Variants in PAQR3 observed in about 807,000 individuals in gnomAD.
PAQR3 encodes the protein progestin and adipoQ receptor family member 3.
Under a neutral mutation model 41.7 loss-of-function variants are expected in PAQR3, and 39 were observed. The ratio of observed to expected loss-of-function variants is 0.93; its 90% CI spans 0.72 to 1.22. The LOEUF is 1.22. Ranked by LOEUF, PAQR3 falls within the 50% of genes most tolerant of loss-of-function variation. The pLI is 0.00. For missense variants in PAQR3, 366 were observed against 385.6 expected, an observed-to-expected ratio of 0.95 and a Z score of 0.42; for synonymous variants, 140 against 140.6, an observed-to-expected ratio of 1.00 and a Z score of 0.03.
In PAQR3 at chr4:78,920,484, A is replaced by G. The variant is rs1259200192; in HGVS notation, c.*55T>C. 1.0e-5 allele frequency: 16 copies of G among 1,539,122 alleles called. No individual in the cohort carries two copies. The highest frequency in any genetic ancestry group is 1.4e-5 in the Non-Finnish European group (16 of 1,141,108). ...GAATCTTAGAAATAGTGGGGTATAC[A>G]ATTCCCCATTATATATTGCTTAACA... On this transcript the variant is annotated 3_prime_UTR_variant, in exon 6 of 6. Coordinates refer to ENST00000512733, the MANE Select transcript of PAQR3 (RefSeq NM_001040202.2).
chr4:78,905,827 T>C (rs1388846701), intron 11 of PAQR3, among the ~76,000 whole-genome samples: 1 of 151,940 alleles, frequency 6.6e-6, no homozygotes, highest in Non-Finnish European at 1.5e-5. Flanking sequence ...TTTTTTTAAA[T>C]TATAGGAATA....
chr4:78,926,439 C>T (rs1560575897), intron 4 of PAQR3, 82 bp downstream of exon 4: 6 of 1,216,752 alleles, frequency 4.9e-6, no homozygotes, highest in Non-Finnish European at 7.0e-6. Context: ...ACCCACTTGG[C>T]CTGATTATAC....
intron 11 of PAQR3, among the ~76,000 whole-genome samples, chr4:78,894,971 T>G (rs186783584): frequency 3.8e-4 from 58 of 152,280 alleles, no homozygotes; most frequent in African/African-American, 1.3e-3. Context: ...GGTAGATCAG[T>G]CAGAACACAT....
chr4:78,889,220 CA>C (rs71661191), intron 11 of PAQR3, among the ~76,000 whole-genome samples: 5,153 of 53,686 alleles, frequency 0.096, 49 homozygotes, highest in East Asian at 0.22. Flanking sequence ...GACTCTGTCT[CA>C]AAAAAAAAAA....
intron 2 of PAQR3, chr4:78,932,994 A>C (rs1737062978): frequency 5.7e-6 from 2 of 348,798 alleles, no homozygotes; most frequent in Non-Finnish European, 1.1e-5. Flanking sequence ...TGATAACAAA[A>C]TACCTCATGA....
In PAQR3 at chr4:78,919,723, A is replaced by G; in HGVS notation, c.*816T>C. The G allele has an allele frequency of 1.0e-6, 1 of 985,084 alleles. No individual in the cohort carries two copies. Among genetic ancestry groups the G allele is most frequent in the Non-Finnish European group, 1.2e-6 (1 of 829,724 alleles). 61.0% of individuals were successfully genotyped at this position (985,084 alleles called of 1,614,324 possible). ...GAGTTGAAAGCTCTGGAATTTTGGG[A>G]TCAAAAACCTGTAATCCACTCACAA... On this transcript the variant is annotated 3_prime_UTR_variant, in exon 6 of 6. Coordinates refer to ENST00000512733, the MANE Select transcript of PAQR3 (RefSeq NM_001040202.2).
In PAQR3 at chr4:78,888,919, T is replaced by TA. The variant is rs546265170; in HGVS notation, c.*837-772dup. On this transcript the variant is annotated intron_variant and NMD_transcript_variant, in intron 11 of 12. Coordinates refer to the PAQR3 transcript ENST00000342820. The stretch of plus-strand genomic sequence containing the variant: ...TTCCTTAGATTTAGGACAGTGGCCT[T>TA]AAAAAAAATGCCCATTAATGGGCCG... Among the ~76,000 whole-genome samples the TA allele has an allele frequency of 1.7e-4, 26 of 151,896 alleles. 1 individual carries two copies. Among genetic ancestry groups the TA allele is most frequent in the African/African-American group, 6.0e-4 (25 of 41,448 alleles).
chr4:78,897,140 A>T (rs1292348580), intron 11 of PAQR3, among the ~76,000 whole-genome samples: 1 of 152,064 alleles, frequency 6.6e-6, no homozygotes, highest in Admixed American at 6.5e-5. Flanking sequence ...GATATTGCTG[A>T]TGGCATAAAT....
intron 11 of PAQR3, among the ~76,000 whole-genome samples, chr4:78,888,801 C>T (rs908657776): frequency 6.6e-6 from 1 of 152,156 alleles, no homozygotes; most frequent in Non-Finnish European, 1.5e-5. Flanking sequence ...AATTGTCTAT[C>T]TTTGAATCCT....
intron 5 of PAQR3, chr4:78,922,497 G>T: frequency 8.6e-7 from 1 of 1,160,076 alleles, no homozygotes; most frequent in Non-Finnish European, 1.1e-6. Context: ...TCTCCAAACT[G>T]AAAAAAAACA....
In PAQR3 at chr4:78,920,601, T is replaced by C; in HGVS notation, c.874A>G (p.Thr292Ala). ...VVMLYWWHQSTVYVMQYRHSK... is the reference protein window; with the variant it reads ...VVMLYWWHQSAVYVMQYRHSK... ...TGTCTGTACTGCATGACATACACTG[T>C]TGACTGATGCCACCAATATAACATC... is the stretch of plus-strand genomic sequence containing the variant. The change falls in exon 6 of 6, where the codon ACA becomes GCA. Residue 292 changes from threonine (T) to alanine (A), a missense_variant. Coordinates refer to ENST00000512733, the MANE Select transcript of PAQR3 (RefSeq NM_001040202.2). 1 of 1,612,038 alleles carries C rather than the reference T, an allele frequency of 6.2e-7. No homozygotes were observed. Among genetic ancestry groups the C allele is most frequent in the Non-Finnish European group, 8.5e-7 (1 of 1,178,668 alleles).
chr4:78,895,418 T>C (rs767772961), intron 11 of PAQR3, among the ~76,000 whole-genome samples: 3 of 152,210 alleles, frequency 2.0e-5, no homozygotes, highest in Non-Finnish European at 4.4e-5. Flanking sequence ...TTTTTCTAAT[T>C]TCTCACAAAT....
rs1200511472 is a variant in PAQR3, at chr4:78,920,593, A to G, written c.882T>C (p.Tyr294=). 6.2e-7 allele frequency: 1 copy of G among 1,612,078 alleles called. No homozygotes were observed. Among genetic ancestry groups the G allele is most frequent in the East Asian group, 2.2e-5 (1 of 44,820 alleles). The part of the protein sequence containing the change: ...MLYWWHQSTV[Y]VMQYRHSKPC... Reference sequence around the variant, plus strand: ...GCTTGCTATGTCTGTACTGCATGACATACACTGTTGACTGATGCCACCAAT... The same window carrying G: ...GCTTGCTATGTCTGTACTGCATGACGTACACTGTTGACTGATGCCACCAAT... Residue 294 remains tyrosine, a synonymous_variant, in exon 6 of 6, where the codon TAT becomes TAC. Transcript: ENST00000512733.
At chr4:78,904,995 T>C (rs1446869665) in intron 11 of PAQR3, among the ~76,000 whole-genome samples, 1 of 151,908 alleles carries the variant, frequency 6.6e-6, no homozygotes, top group African/African-American at 2.4e-5. Context: ...AAAGAAAATT[T>C]AACTCTATAT....
chr4:78,891,187 T>G (rs1577964640), intron 11 of PAQR3, among the ~76,000 whole-genome samples: 1 of 152,334 alleles, frequency 6.6e-6, no homozygotes, highest in East Asian at 1.9e-4. Context: ...TATTTTAGCT[T>G]CTCATATTTC....
rs1186713875 is a variant in PAQR3 at position 78,918,824 on chromosome 4, C to G, written c.*1715G>C. ...TTGTTTGGCCAAAATGACAAAATAT[C>G]TATTAAAAGGCAATAAAATCATGTA... On this transcript the variant is annotated 3_prime_UTR_variant, in exon 6 of 6. Coordinates refer to ENST00000512733, the MANE Select transcript of PAQR3 (RefSeq NM_001040202.2). 3.3e-5 allele frequency: 32 copies of G among 984,362 alleles called. No homozygotes were observed. Among genetic ancestry groups the G allele is most frequent in the Non-Finnish European group, 3.7e-5 (31 of 829,370 alleles). 61.0% of individuals were successfully genotyped at this position (984,362 alleles called of 1,614,324 possible). A position where few individuals can be genotyped will look rare whatever the true frequency, so the allele number is the denominator to read the frequency against.
At chr4:78,892,007 T>C (rs1356914518) in intron 11 of PAQR3, among the ~76,000 whole-genome samples, 2 of 152,218 alleles carry the variant, frequency 1.3e-5, no homozygotes, top group Non-Finnish European at 2.9e-5. Context: ...ATTGCTGTTT[T>C]CAGTCTTTAA....
Position 78,913,995 on chromosome 4 carries a change from ACTTT to A in PAQR3, c.*6540_*6543del, listed in dbSNP as rs1170079458. Reference sequence around the variant, plus strand: ...ACTTTACAAAATAGATTCAAGTGATACTTTCTTTTAAAAGTGAAGAGTTGATGAT... The same window carrying A: ...ACTTTACAAAATAGATTCAAGTGATACTTTTAAAAGTGAAGAGTTGATGAT... On this transcript the variant is annotated 3_prime_UTR_variant, in exon 6 of 6. Transcript: ENST00000512733. 3.3e-5 allele frequency: 5 copies of A among 152,046 alleles called. No homozygotes were observed. The highest frequency in any genetic ancestry group is 9.7e-5 in the African/African-American group (4 of 41,418). 9.4% of individuals were successfully genotyped at this position (152,046 alleles called of 1,614,324 possible). A position where few individuals can be genotyped will look rare whatever the true frequency, so the allele number is the denominator to read the frequency against.
chr4:78,887,944 T>C (rs568091664), intron 12 of PAQR3: 1 of 152,318 alleles, frequency 6.6e-6, no homozygotes, highest in African/African-American at 2.4e-5. Flanking sequence ...GTTCGATATA[T>C]TCATGGTAAC....
Sources: allele counts gnomAD v4.1 joint callset (sites outside exome capture counted in the v4.1 genomes callset), GRCh38; gene constraint gnomAD v4.1.1; transcripts MANE v1.5; gene names NCBI Gene and HGNC (gene_info 2026-07-23, HGNC 2026-07-21).